TENM4: variants seen among roughly 807,000 people sequenced by gnomAD.
TENM4 encodes the protein teneurin-4.
In TENM4, 82 loss-of-function variants were observed where a neutral mutation model predicts 243.3. The ratio of observed to expected loss-of-function variants is 0.34; its 90% CI spans 0.28 to 0.40. The LOEUF (loss-of-function observed/expected upper bound fraction) is 0.40. Ranked by LOEUF, TENM4 falls within the 10% of genes least tolerant of loss-of-function variation. TENM4 has a pLI of 1.00. For synonymous variants in TENM4, 1,412 were observed against 1,456.3 expected (o/e 0.97, Z 0.69); for missense variants, 3,138 against 3,673.3 (o/e 0.85, Z 3.77).
Position 78,994,183 on chromosome 11 carries a change from G to A in TENM4, c.493+70555C>T, listed in dbSNP as rs906894852. On this transcript the variant is annotated intron_variant, in intron 6 of 33. Transcript: ENST00000278550. ...CAACAAGGTCCTTCCCTTCTGGGTAGTTGGAACGGAAACATCTCTCAGCCT... is the reference window on the plus strand; with the variant it reads ...CAACAAGGTCCTTCCCTTCTGGGTAATTGGAACGGAAACATCTCTCAGCCT... Among the ~76,000 whole-genome samples, 10 of 152,340 alleles carry A rather than the reference G, an allele frequency of 6.6e-5. No individual in the cohort carries two copies. The South Asian group carries it at 1.5e-3, about 22-fold the overall frequency.
chr11:79,193,333 T>C (rs930024042), intron 3 of TENM4, among the ~76,000 whole-genome samples: 9 of 152,188 alleles, frequency 5.9e-5, no homozygotes, highest in Non-Finnish European at 8.8e-5. Context: ...GGAATACTGA[T>C]GTTCTTTCCA....
rs187391449 is a variant in TENM4 at position 78,769,543 on chromosome 11, G to A, written c.2539+1449C>T. Among the ~76,000 whole-genome samples, 25 of 152,266 alleles carry A rather than the reference G, an allele frequency of 1.6e-4. 1 individual carries two copies. Among genetic ancestry groups the A allele is most frequent in the Admixed American group, 1.2e-3 (19 of 15,298 alleles). On this transcript the variant is annotated intron_variant, in intron 18 of 33. Coordinates refer to ENST00000278550, the MANE Select transcript of TENM4 (RefSeq NM_001098816.3). ...GAGGACTTCCTTATCTCTATGCCTGGTATAGGGCCCAACTCTAAAATAAGA... is the reference window on the plus strand; with the variant it reads ...GAGGACTTCCTTATCTCTATGCCTGATATAGGGCCCAACTCTAAAATAAGA...
At chr11:79,342,400 A>G (rs1157148061) in intron 1 of TENM4, among the ~76,000 whole-genome samples, 2 of 152,166 alleles carry the variant, frequency 1.3e-5, no homozygotes, top group Non-Finnish European at 2.9e-5. Flanking sequence ...AATGTGGAAC[A>G]TGGACTTTGT....
chr11:79,248,733 A>C (rs771662599), intron 2 of TENM4, among the ~76,000 whole-genome samples: 8 of 152,160 alleles, frequency 5.3e-5, no homozygotes, highest in Non-Finnish European at 8.8e-5. Context: ...CATGGAAACT[A>C]CAGCATCTTC....
At chr11:79,024,358 A>G (rs1859018416) in intron 6 of TENM4, among the ~76,000 whole-genome samples, 1 of 152,158 alleles carries the variant, frequency 6.6e-6, no homozygotes, top group Non-Finnish European at 1.5e-5. Context: ...ATTCTTTAAC[A>G]CATCTGATCA....
At chr11:78,708,651 C>A (rs1859317698) in intron 26 of TENM4, 136 bp from the exon 27 acceptor site, 1 of 1,048,466 alleles carries the variant, frequency 9.5e-7, no homozygotes, top group Non-Finnish European at 1.4e-6. Context: ...TCATTCCTCT[C>A]TCAAAGAGGA....
chr11:79,403,212 C>G (rs996182632), intron 1 of TENM4, among the ~76,000 whole-genome samples: 6 of 152,212 alleles, frequency 3.9e-5, no homozygotes, highest in Non-Finnish European at 7.3e-5. Context: ...CACCTACTAA[C>G]CAACGATTCT....
intron 6 of TENM4, among the ~76,000 whole-genome samples, chr11:79,023,485 C>T (rs1442914781): frequency 1.3e-5 from 2 of 150,806 alleles, no homozygotes; most frequent in African/African-American, 4.9e-5. Context: ...TCGCTTGAAC[C>T]TGGGAGGTGG....
intron 6 of TENM4, 120 bp downstream of exon 6, chr11:79,064,618 G>A: frequency 1.5e-6 from 2 of 1,358,102 alleles, no homozygotes; most frequent in Non-Finnish European, 2.0e-6. Flanking sequence ...ACCCCTGAGA[G>A]TAAAGCAATT....
At chr11:78,795,250 T>C (rs1857138753) in intron 15 of TENM4, among the ~76,000 whole-genome samples, 1 of 152,204 alleles carries the variant, frequency 6.6e-6, no homozygotes, top group Non-Finnish European at 1.5e-5. Context: ...CTGAGTTGTC[T>C]AGAGAACCCT....
At chr11:78,688,309 G>T in intron 28 of TENM4, 83 bp from the exon 29 acceptor site, 2 of 1,449,864 alleles carry the variant, frequency 1.4e-6, no homozygotes, top group Non-Finnish European at 9.4e-7. Flanking sequence ...TCATGCCATG[G>T]TTTTGCTGTG....
intron 2 of TENM4, among the ~76,000 whole-genome samples, chr11:79,296,605 G>C (rs1590859821): frequency 6.6e-6 from 1 of 152,222 alleles, no homozygotes; most frequent in African/African-American, 2.4e-5. Flanking sequence ...ATGCAACAAT[G>C]ACCATTCAGA....
At chr11:79,320,842 T>A (rs1406964226) in intron 1 of TENM4, among the ~76,000 whole-genome samples, 2 of 152,192 alleles carry the variant, frequency 1.3e-5, no homozygotes, top group South Asian at 2.1e-4. Context: ...AGCTTTCATT[T>A]TAGGGATGAG....
intron 2 of TENM4, among the ~76,000 whole-genome samples, chr11:79,266,182 C>G (rs1855881214): frequency 6.6e-6 from 1 of 152,190 alleles, no homozygotes; most frequent in Non-Finnish European, 1.5e-5. Flanking sequence ...CAAGGTCTGA[C>G]TCAAGATCTG....
At chr11:79,289,974 T>TC in intron 2 of TENM4, among the ~76,000 whole-genome samples, 1 of 152,082 alleles carries the variant, frequency 6.6e-6, no homozygotes, top group East Asian at 1.9e-4. Context: ...TCTTTTTTTT[T>TC]AAGTAGAGAT....
chr11:78,929,574 G>C (rs1856626569), intron 6 of TENM4, among the ~76,000 whole-genome samples: 1 of 152,134 alleles, frequency 6.6e-6, no homozygotes, highest in Admixed American at 6.6e-5. Flanking sequence ...AATGGGAGCT[G>C]GTGGCCTTTA....
intron 3 of TENM4, among the ~76,000 whole-genome samples, chr11:79,164,038 ATACACTATAAATACTATGTATATATAGT>A (rs1415690843): frequency 2.7e-4 from 31 of 115,078 alleles, no homozygotes; most frequent in Admixed American, 7.8e-4. Context: ...TATAGTATAT[ATACACTATAAATACTATGTATATATAGT>A]GTATATATAC....
At chr11:78,765,851 G>A (rs888981990) in intron 18 of TENM4, among the ~76,000 whole-genome samples, 5 of 152,154 alleles carry the variant, frequency 3.3e-5, no homozygotes, top group African/African-American at 1.2e-4. Context: ...TTTCCTTTAT[G>A]TACGTTTGGA....
intron 6 of TENM4, among the ~76,000 whole-genome samples, chr11:78,984,288 T>C (rs2136638036): frequency 6.6e-6 from 1 of 152,292 alleles, no homozygotes; most frequent in Non-Finnish European, 1.5e-5. Context: ...CCTAGTAAAG[T>C]ATTTGGCACA....
Sources: allele counts gnomAD v4.1 joint callset (sites outside exome capture counted in the v4.1 genomes callset), GRCh38; gene constraint gnomAD v4.1.1; transcripts MANE v1.5; gene names NCBI Gene and HGNC (gene_info 2026-07-23, HGNC 2026-07-21).